BLOC1S5: variants seen among roughly 807,000 people sequenced by gnomAD.
The protein encoded by BLOC1S5 is biogenesis of lysosomal organelles complex 1 subunit 5.
Under a neutral mutation model 24.3 loss-of-function variants are expected in BLOC1S5, and 27 were observed. The observed-to-expected ratio is 1.11, with a 90% CI of 0.82 to 1.53. BLOC1S5 has a LOEUF of 1.53. Among genes scored for constraint, BLOC1S5 ranks in the 40% most tolerant of loss-of-function variants. The pLI, the probability that BLOC1S5 is intolerant of heterozygous loss-of-function variation, is 0.00. For missense variants in BLOC1S5, 239 were observed against 229.4 expected (o/e 1.04, Z -0.27); for synonymous variants, 84 against 74.5 (o/e 1.13, Z -0.66).
At chr6:8,024,708 C>CT (rs1763051171) in intron 4 of BLOC1S5, among the ~76,000 whole-genome samples, 1 of 152,126 alleles carries the variant, frequency 6.6e-6, no homozygotes, top group Non-Finnish European at 1.5e-5. Context: ...ACGGTGACCG[C>CT]TCGCATCTTA....
chr6:8,027,169 G>A (rs11243222), intron 3 of BLOC1S5: 48,109 of 314,204 alleles, frequency 0.15, 3,928 homozygotes, highest in Admixed American at 0.19. Flanking sequence ...CCTTTTCACC[G>A]CCAGATGCAT....
chr6:8,062,626 T>C lies in BLOC1S5; in HGVS notation c.113-10A>G. 6.4e-7 allele frequency: 1 copy of C among 1,559,590 alleles called. No individual in the cohort carries two copies. ...TGAATTTCTCCAAGATCTATAAAGA[T>C]AAAATGAAATTCAGGGTTAATCCAT... On this transcript the variant is annotated splice_polypyrimidine_tract_variant and intron_variant, in intron 1 of 4. Transcript: ENST00000397457.
chr6:8,045,778 C>A (rs543186755), intron 2 of BLOC1S5, among the ~76,000 whole-genome samples: 1 of 152,334 alleles, frequency 6.6e-6, no homozygotes, highest in Non-Finnish European at 1.5e-5. Flanking sequence ...ACATTTCTCT[C>A]ATTTGGAACG....
rs1410783429 is a variant in BLOC1S5 at position 8,041,259 on chromosome 6, CA to C, written c.204del (p.Gly69ValfsTer11). ...TCAAGAACTCGCATTTCTCGAAGAC[CA>C]CGTTTTTCCTATTAAAAGAAAGTAG... is the stretch of plus-strand genomic sequence containing the variant. The part of the protein sequence containing the change: ...RYFVKEFEEK[R>X]GLREMRVLEN... On this transcript the variant is annotated frameshift_variant, in exon 3 of 5. Coordinates refer to ENST00000397457, the MANE Select transcript of BLOC1S5 (RefSeq NM_201280.3). LOFTEE classifies it high-confidence loss of function. 1 of 1,603,436 alleles carries C rather than the reference CA, an allele frequency of 6.2e-7. No individual in the cohort carries two copies. Among genetic ancestry groups the C allele is most frequent in the Non-Finnish European group, 8.5e-7 (1 of 1,175,582 alleles).
intron 2 of BLOC1S5, among the ~76,000 whole-genome samples, chr6:8,049,145 C>A (rs143833416): frequency 0.012 from 1,810 of 150,262 alleles, 35 homozygotes; most frequent in African/African-American, 0.042. Context: ...CCGAGATGGG[C>A]AGATCACATG....
At chr6:8,026,968 A>G (rs1267243304) in intron 3 of BLOC1S5, among the ~76,000 whole-genome samples, 1 of 152,180 alleles carries the variant, frequency 6.6e-6, no homozygotes, top group African/African-American at 2.4e-5. Flanking sequence ...ATTCCATTTT[A>G]CAGATGACAA....
chr6:8,027,610 G>C (rs1341060015), intron 3 of BLOC1S5, among the ~76,000 whole-genome samples: 3 of 152,238 alleles, frequency 2.0e-5, no homozygotes, highest in Non-Finnish European at 4.4e-5. Flanking sequence ...GTGGCGGGCA[G>C]ATCACCTGAA....
intron 1 of BLOC1S5, 109 bp from the exon 2 acceptor site, chr6:8,062,725 T>TA (rs1445445484): frequency 1.3e-5 from 9 of 686,602 alleles, no homozygotes; most frequent in Admixed American, 6.6e-5. Flanking sequence ...AAATCCAGTT[T>TA]AGACTATGGA....
intron 2 of BLOC1S5, among the ~76,000 whole-genome samples, chr6:8,047,321 C>T (rs547131087): frequency 6.6e-5 from 10 of 152,076 alleles, no homozygotes; most frequent in Non-Finnish European, 1.3e-4. Context: ...AATCCTCCTA[C>T]CTCAGCCTTC....
intron 4 of BLOC1S5, among the ~76,000 whole-genome samples, chr6:8,022,689 A>G (rs940276325): frequency 7.2e-6 from 1 of 138,276 alleles, no homozygotes; most frequent in Non-Finnish European, 1.5e-5. Context: ...GGTTCACGCC[A>G]TTCTCCTGCC....
rs143027119 is a variant in BLOC1S5, at chr6:8,032,639, C to T, written c.326-6214G>A. Among the ~76,000 whole-genome samples the T allele has an allele frequency of 9.5e-3, 1,439 of 152,064 alleles. 26 individuals are homozygous for T. Among genetic ancestry groups the T allele is most frequent in the African/African-American group, 0.033 (1,371 of 41,466 alleles). ...AAGTTCTGGTCAGGGCAATCAGGCA[C>T]GAGAAAGAAATAAAGGGTATTCAAT... is the stretch of plus-strand genomic sequence containing the variant. On this transcript the variant is annotated intron_variant, in intron 3 of 4. Transcript: ENST00000397457.
intron 4 of BLOC1S5, among the ~76,000 whole-genome samples, chr6:8,020,294 G>A (rs1762875634): frequency 6.6e-6 from 1 of 152,236 alleles, no homozygotes; most frequent in East Asian, 1.9e-4. Flanking sequence ...AGGCTGTTCT[G>A]CTACCTGGCC....
intron 2 of BLOC1S5, among the ~76,000 whole-genome samples, chr6:8,061,295 AT>A (rs1207684370): frequency 1.3e-5 from 2 of 152,124 alleles, no homozygotes. Context: ...AGACTTAAAA[AT>A]TTTTTTTAAA....
intron 2 of BLOC1S5, among the ~76,000 whole-genome samples, chr6:8,042,418 G>A (rs1027608070): frequency 6.6e-5 from 10 of 152,212 alleles, no homozygotes; most frequent in African/African-American, 2.4e-4. Flanking sequence ...CATAAGGTTG[G>A]CCCTGGCTGG....
chr6:8,062,694 C>A, intron 1 of BLOC1S5, 78 bp from the exon 2 acceptor site: 2 of 936,948 alleles, frequency 2.1e-6, no homozygotes, highest in Admixed American at 2.8e-5. Flanking sequence ...CTCTCCCTTC[C>A]CCACTAAGAG....
At chr6:8,033,776 T>G (rs1246741826) in intron 3 of BLOC1S5, among the ~76,000 whole-genome samples, 4 of 151,212 alleles carry the variant, frequency 2.6e-5, no homozygotes, top group Admixed American at 2.0e-4. Flanking sequence ...TCAAAAAAAT[T>G]TACAAGAGAA....
intron 2 of BLOC1S5, among the ~76,000 whole-genome samples, chr6:8,049,083 G>A (rs2113583196): frequency 7.1e-6 from 1 of 141,832 alleles, no homozygotes; most frequent in East Asian, 2.3e-4. Context: ...AGGGGGGAAA[G>A]AAAGAGGCCA....
At chr6:8,063,046 C>T (rs920058149) in intron 1 of BLOC1S5, among the ~76,000 whole-genome samples, 17 of 151,752 alleles carry the variant, frequency 1.1e-4, no homozygotes, top group African/African-American at 1.9e-4. Flanking sequence ...AAAAATAATA[C>T]GTATTTTATA....
At chr6:8,052,675 G>A (rs527579497) in intron 2 of BLOC1S5, among the ~76,000 whole-genome samples, 3 of 151,902 alleles carry the variant, frequency 2.0e-5, no homozygotes, top group Admixed American at 1.3e-4. Flanking sequence ...GGCAGATCAC[G>A]AGGTCAGGAG....
Sources: allele counts gnomAD v4.1 joint callset (sites outside exome capture counted in the v4.1 genomes callset), GRCh38; gene constraint gnomAD v4.1.1; transcripts MANE v1.5; gene names NCBI Gene and HGNC (gene_info 2026-07-23, HGNC 2026-07-21).